Variants in HDGF observed in about 807,000 individuals in gnomAD.
HDGF encodes the protein heparin binding growth factor.
In HDGF, 5 loss-of-function variants were observed where a neutral mutation model predicts 30.0. That is an observed-to-expected ratio of 0.17 (90% CI 0.09 to 0.35). The LOEUF (loss-of-function observed/expected upper bound fraction) is 0.35. Among genes scored for constraint, HDGF ranks in the 10% least tolerant of loss-of-function variants. HDGF has a pLI of 1.00. For synonymous variants in HDGF, 133 were observed against 112.7 expected (o/e 1.18, Z -1.14); for missense variants, 214 against 302.8 (o/e 0.71, Z 2.18).
upstream of HDGF, chr1:156,751,853 G>A: frequency 1.0e-6 from 1 of 965,580 alleles, no homozygotes; most frequent in Non-Finnish European, 1.4e-6. The surrounding 1 kb of genome is among the most constrained non-coding windows in gnomAD (Gnocchi z 4.7). Flanking sequence ...GCCTGCCACG[G>A]CCCAACGCCC....
chr1:156,751,305 C>A lies in HDGF; in HGVS notation c.87+38G>T. ...CTTCCCGGTGTTATGCAACCCAAGC[C>A]CGCAGGGGGTTAGGGGGCGGCGGGC... On this transcript the variant is annotated intron_variant, in intron 1 of 5. Transcript: ENST00000357325. This position sits in a 1 kb window ranked among gnomAD's most constrained non-coding sequence, Gnocchi z 4.7. The A allele has an allele frequency of 6.3e-7, 1 of 1,593,384 alleles. No individual in the cohort carries two copies. The highest frequency in any genetic ancestry group is 8.6e-7 in the Non-Finnish European group (1 of 1,168,858).
intron 1 of HDGF, 82 bp from the exon 2 acceptor site, chr1:156,745,455 T>C (rs1650466393): frequency 1.7e-6 from 2 of 1,197,302 alleles, no homozygotes. Flanking sequence ...CCAAGGCACA[T>C]TTATATAAAA....
At chr1:156,760,807 C>T (rs4661058) in intron 1 of HDGF, among the ~76,000 whole-genome samples, 15,064 of 151,656 alleles carry the variant, frequency 0.099, 935 homozygotes, top group African/African-American at 0.17. Context: ...CAAATTTTAT[C>T]CTTCCCTGCC....
intron 1 of HDGF, among the ~76,000 whole-genome samples, chr1:156,749,038 TC>T (rs1650790234): frequency 6.6e-6 from 1 of 151,842 alleles, no homozygotes; most frequent in Non-Finnish European, 1.5e-5. Context: ...AACTTGGAGA[TC>T]CCCCAGGAAG....
rs1396468923 is a variant in HDGF at position 156,751,649 on chromosome 1, G to A, written c.-220C>T. ...GGGGCAAGGCTCCGGCGCGGTGGGT[G>A]CGCGCTCGTGCAGTTGTTTGTGTTT... On this transcript the variant is annotated 5_prime_UTR_variant, in exon 1 of 6. Coordinates refer to ENST00000357325, the MANE Select transcript of HDGF (RefSeq NM_004494.3). This position sits in a 1 kb window ranked among gnomAD's most constrained non-coding sequence, Gnocchi z 4.7. The A allele has an allele frequency of 3.9e-6, 4 of 1,016,110 alleles. No individual in the cohort carries two copies. The highest frequency in any genetic ancestry group is 3.5e-6 in the Non-Finnish European group (3 of 851,156). The allele number at this position is 1,016,110 out of a possible 1,614,324, so 62.9% of individuals were successfully genotyped here.
At chr1:156,746,607 G>A (rs1483514067) in intron 1 of HDGF, among the ~76,000 whole-genome samples, 1 of 152,226 alleles carries the variant, frequency 6.6e-6, no homozygotes, top group Non-Finnish European at 1.5e-5. Context: ...GAAGGTGAGA[G>A]GTGCAGAAAT....
upstream of HDGF, chr1:156,752,301 G>C: frequency 6.4e-7 from 1 of 1,551,796 alleles, no homozygotes; most frequent in Non-Finnish European, 8.7e-7. Flanking sequence ...GGAAACGCTT[G>C]AGTTTGGTAG....
chr1:156,744,088 G>T, intron 4 of HDGF, 75 bp downstream of exon 4: 1 of 1,504,828 alleles, frequency 6.6e-7, no homozygotes, highest in South Asian at 1.1e-5. Context: ...CACCCCTGAG[G>T]CAAAGCCCTG....
rs1477272522 is a variant in HDGF, at chr1:156,743,417, C to G, written c.*32G>C. 4 of 1,512,200 alleles carry G rather than the reference C, an allele frequency of 2.6e-6. No individual in the cohort carries two copies. In the Admixed American group the frequency reaches 9.3e-5, roughly 35 times the overall value. 93.7% of individuals were successfully genotyped at this position (1,512,200 alleles called of 1,614,324 possible). On this transcript the variant is annotated 3_prime_UTR_variant, in exon 6 of 6. Transcript: ENST00000357325. ...AGTAGCACCCAGACAGCAGCAGGAA[C>G]AGGGTGGGGGCTCCTCTTGAAACAT...
In HDGF at chr1:156,744,234, C is replaced by A. The variant is rs143813161; in HGVS notation, c.418G>T (p.Val140Phe). ...TTCTCCTTGGCTGGCTCATCAATGA[C>A]CAGCTTCCCTTCCTCGTCGCTGCTG... ...EGSSDEEGKL[V>F]IDEPAKEKNE... The change falls in exon 4 of 6, where the codon GTC (valine) becomes TTC (phenylalanine). Residue 140 changes from valine (V) to phenylalanine (F), a missense_variant. By Grantham distance (50) the Val-to-Phe change is conservative (BLOSUM62 -1). This residue lies in a region of HDGF where 176 missense variants were observed against 211.7 expected (regional missense o/e 0.83). Coordinates refer to ENST00000357325, the MANE Select transcript of HDGF (RefSeq NM_004494.3). 361 of 1,614,022 alleles carry A rather than the reference C, an allele frequency of 2.2e-4. No homozygotes were observed. Among genetic ancestry groups the A allele is most frequent in the Non-Finnish European group, 2.9e-4 (338 of 1,180,042 alleles).
At chr1:156,757,747 C>G (rs1301166359) in intron 2 of HDGF, among the ~76,000 whole-genome samples, 2 of 146,610 alleles carry the variant, frequency 1.4e-5, no homozygotes, top group African/African-American at 2.5e-5. Flanking sequence ...GAGCCAAGAT[C>G]ATGACACTGC....
At position 156,745,025 on chromosome 1, in the gene HDGF, T is replaced by C. The variant is rs1245243757; in HGVS notation, c.286A>G (p.Lys96Glu). Residue 96 changes from lysine (K) to glutamate (E), a missense_variant, in exon 3 of 6, where the codon AAG (lysine) becomes GAG (glutamate). By Grantham distance (56) the Lys-to-Glu change is moderately conservative. This residue lies in a region of HDGF where 176 missense variants were observed against 211.7 expected (regional missense o/e 0.83). Transcript: ENST00000357325. Reference sequence around the variant, plus strand: ...TGGCTCACCTGATAGCCGGAAGCCTTGACAGTAGGGTTGTTCTCGATCTCC... The same window carrying C: ...TGGCTCACCTGATAGCCGGAAGCCTCGACAGTAGGGTTGTTCTCGATCTCC... Reference protein sequence around the residue: ...LWEIENNPTVKASGYQSSQKK... With the variant: ...LWEIENNPTVEASGYQSSQKK... The C allele has an allele frequency of 6.2e-7, 1 of 1,614,030 alleles. No homozygotes were observed. Among genetic ancestry groups the C allele is most frequent in the Admixed American group, 1.7e-5 (1 of 60,012 alleles).
intron 1 of HDGF, among the ~76,000 whole-genome samples, chr1:156,750,249 C>A (rs1327205504): frequency 6.6e-6 from 1 of 152,102 alleles, no homozygotes; most frequent in Non-Finnish European, 1.5e-5. Flanking sequence ...TACAGGAGTC[C>A]TACACTCTAG....
chr1:156,752,228 C>T (rs1051304165), upstream of HDGF: 2 of 1,551,694 alleles, frequency 1.3e-6, no homozygotes, highest in African/African-American at 2.7e-5. Context: ...GCCGTGCTTA[C>T]CGTATGGGGG....
At position 156,761,743 on chromosome 1, in the gene HDGF, C is replaced by T. The variant is rs575603835; in HGVS notation, n.137-2524G>A. Among the ~76,000 whole-genome samples the T allele has an allele frequency of 1.5e-4, 22 of 150,794 alleles. No homozygotes were observed. In the East Asian group the frequency reaches 4.3e-3, roughly 30 times the overall value. On this transcript the variant is annotated intron_variant and non_coding_transcript_variant, in intron 1 of 7. Coordinates refer to the HDGF transcript ENST00000465180. ...CGGGCGGATCTTGAGGTCAAGAGAT[C>T]GAGACCATCCTGGCCAACATGGTGA...
At chr1:156,757,207 T>C (rs1025230786), upstream of HDGF, among the ~76,000 whole-genome samples, 1 of 151,978 alleles carries the variant, frequency 6.6e-6, no homozygotes, top group Non-Finnish European at 1.5e-5. Flanking sequence ...GGCTCACGCC[T>C]GTAATCCCAG....
chr1:156,755,900 C>T (rs1651147297), upstream of HDGF, among the ~76,000 whole-genome samples: 1 of 152,200 alleles, frequency 6.6e-6, no homozygotes, highest in South Asian at 2.1e-4. Flanking sequence ...TACCCTGAGC[C>T]TCAGTTTCAT....
At chr1:156,745,751 A>G (rs1650491546) in intron 1 of HDGF, among the ~76,000 whole-genome samples, 1 of 152,146 alleles carries the variant, frequency 6.6e-6, no homozygotes, top group African/African-American at 2.4e-5. Flanking sequence ...CCTTGCTTCA[A>G]AACCCTTCAA....
At chr1:156,767,286 G>A (rs1052612310), upstream of HDGF, among the ~76,000 whole-genome samples, 47 of 152,258 alleles carry the variant, frequency 3.1e-4, no homozygotes, top group African/African-American at 9.9e-4. Context: ...CGTGGTGACC[G>A]GTGGGGCTTG....
Sources: allele counts gnomAD v4.1 joint callset (sites outside exome capture counted in the v4.1 genomes callset), GRCh38; gene constraint gnomAD v4.1.1; regional missense constraint gnomAD v4.1.1; non-coding constraint Gnocchi (gnomAD v3.1); transcripts MANE v1.5; gene names NCBI Gene and HGNC (gene_info 2026-07-23, HGNC 2026-07-21).